Variants in TRIM67 observed in about 807,000 individuals in gnomAD.
TRIM67 encodes the protein tripartite motif-containing protein 67.
TRIM67 carries 39 observed loss-of-function variants against 71.0 expected under a neutral mutation model. The ratio of observed to expected loss-of-function variants is 0.55; its 90% confidence interval spans 0.43 to 0.72. The LOEUF is 0.72. Ranked by LOEUF, TRIM67 falls within the 30% of genes least tolerant of loss-of-function variation. TRIM67 has a pLI of 0.00. For missense variants in TRIM67, 973 were observed against 1,079.2 expected (o/e 0.90, Z 1.38); for synonymous variants, 481 against 473.9 (o/e 1.01, Z -0.19).
At chr1:231,191,720 G>A (rs954910992) in intron 1 of TRIM67, among the ~76,000 whole-genome samples, 6 of 152,154 alleles carry the variant, frequency 3.9e-5, no homozygotes, top group African/African-American at 1.4e-4. Context: ...GCTGGTGCCC[G>A]GGACCATATG....
Position 231,200,141 on chromosome 1 carries a change from A to T in TRIM67, c.1264-7A>T, listed in dbSNP as rs770361830. The T allele has an allele frequency of 7.5e-6, 12 of 1,609,098 alleles. No homozygotes were observed. Among genetic ancestry groups the T allele is most frequent in the Non-Finnish European group, 1.0e-5 (12 of 1,175,510 alleles). On this transcript the variant is annotated splice_region_variant and splice_polypyrimidine_tract_variant and intron_variant, in intron 3 of 9. Coordinates refer to ENST00000366653, the MANE Select transcript of TRIM67 (RefSeq NM_001004342.5). ...GACAGTTACTTAGAGGAGTCTTTCC[A>T]TTGCAGATGGTTTGGGACCAGATCA...
At chr1:231,178,573 T>G (rs1432540529) in intron 1 of TRIM67, among the ~76,000 whole-genome samples, 1 of 152,228 alleles carries the variant, frequency 6.6e-6, no homozygotes, top group Non-Finnish European at 1.5e-5. Flanking sequence ...GGGGTAGGGC[T>G]AAGAAGCAGC....
At position 231,209,286 on chromosome 1, in the gene TRIM67, A is replaced by G. The variant is rs780972030; in HGVS notation, c.2123+36A>G. ...GCCCCATCCTGCCTCCCGTGGACAC[A>G]GGTTGTTTGGGAATGAGGGTCCTGA... is the stretch of plus-strand genomic sequence containing the variant. On this transcript the variant is annotated intron_variant, in intron 8 of 9. Coordinates refer to ENST00000366653, the MANE Select transcript of TRIM67 (RefSeq NM_001004342.5). The surrounding 1 kb of genome is among the most constrained non-coding windows in gnomAD (Gnocchi z 4.1). The G allele has an allele frequency of 9.3e-6, 14 of 1,502,864 alleles. No homozygotes were observed. The highest frequency in any genetic ancestry group is 3.6e-4 in the Middle Eastern group (2 of 5,550). 93.1% of individuals were successfully genotyped at this position (1,502,864 alleles called of 1,614,324 possible).
At chr1:231,170,845 T>C (rs1038843706) in intron 1 of TRIM67, among the ~76,000 whole-genome samples, 2 of 152,264 alleles carry the variant, frequency 1.3e-5, no homozygotes, top group Non-Finnish European at 2.9e-5. Context: ...AAGTATTTAC[T>C]ATCTGGCCCT....
chr1:231,199,105 CT>C lies in TRIM67; in HGVS notation c.1202del (p.Leu401Ter), dbSNP rs1683451981. On this transcript the variant is annotated frameshift_variant, in exon 3 of 10. Transcript: ENST00000366653. LOFTEE classifies it high-confidence loss of function. ...GCTCAGTGTGATGCCCTTGTGGATG[CT>C]TTAACTCGTCAGAAAGCCAAGCTGC... ...LVAQCDALVD[A>X]LTRQKAKLLT... The C allele has an allele frequency of 6.2e-7, 1 of 1,613,872 alleles. No homozygotes were observed. The highest frequency in any genetic ancestry group is 1.3e-5 in the African/African-American group (1 of 74,912).
chr1:231,169,811 G>A (rs1682576807), intron 1 of TRIM67, among the ~76,000 whole-genome samples: 1 of 152,026 alleles, frequency 6.6e-6, no homozygotes, highest in Non-Finnish European at 1.5e-5. Context: ...CAGAGCCCTG[G>A]GAAGATGAGC....
At chr1:231,196,488 A>G (rs1355555224) in intron 1 of TRIM67, among the ~76,000 whole-genome samples, 6 of 151,486 alleles carry the variant, frequency 4.0e-5, no homozygotes, top group African/African-American at 1.5e-4. Flanking sequence ...ATTTGGGAGG[A>G]TCACTTGAGC....
chr1:231,167,317 G>GTTTTTTTTTTTTTTTTTTTTT (rs1340006817), intron 1 of TRIM67, among the ~76,000 whole-genome samples: 32 of 66,728 alleles, frequency 4.8e-4, no homozygotes, highest in Non-Finnish European at 6.6e-4. Context: ...TCACTCTAAT[G>GTTTTTTTTTTTTTTTTTTTTT]TCTTTTTTTT....
chr1:231,172,787 T>G (rs1185294176), intron 1 of TRIM67, among the ~76,000 whole-genome samples: 1 of 152,240 alleles, frequency 6.6e-6, no homozygotes, highest in African/African-American at 2.4e-5. Context: ...CTGGATGATA[T>G]CTATAAAACC....
intron 1 of TRIM67, among the ~76,000 whole-genome samples, chr1:231,171,247 T>C (rs893316673): frequency 2.6e-5 from 4 of 152,112 alleles, no homozygotes; most frequent in Non-Finnish European, 5.9e-5. Context: ...CATATGGTGC[T>C]CAAAGACCAC....
Position 231,203,908 on chromosome 1 carries a change from C to T in TRIM67, c.1576C>T (p.Arg526Cys), listed in dbSNP as rs370793828. 7.4e-6 allele frequency: 12 copies of T among 1,613,832 alleles called. No homozygotes were observed. Among genetic ancestry groups the T allele is most frequent in the African/African-American group, 5.3e-5 (4 of 74,952 alleles). Residue 526 changes from arginine (R) to cysteine (C), a missense_variant, in exon 6 of 10, where the codon CGT (arginine) becomes TGT (cysteine). This residue lies in a region of TRIM67 where 795 missense variants were observed against 831.3 expected (regional missense o/e 0.96). Transcript: ENST00000366653. ...ACTGCAGCTGGAGAAATGCTGCACCCGTAACAACAGCGTCACGCTGGCCTG... is the reference window on the plus strand; with the variant it reads ...ACTGCAGCTGGAGAAATGCTGCACCTGTAACAACAGCGTCACGCTGGCCTG... ...PLLQLEKCCTRNNSVTLAWRM... is the reference protein window; with the variant it reads ...PLLQLEKCCTCNNSVTLAWRM...
At chr1:231,172,829 C>A (rs1014707780) in intron 1 of TRIM67, among the ~76,000 whole-genome samples, 2 of 152,194 alleles carry the variant, frequency 1.3e-5, no homozygotes, top group Non-Finnish European at 2.9e-5. Context: ...TACTCAGAAA[C>A]AACAAGCCTC....
At chr1:231,167,295 C>T (rs1682494526) in intron 1 of TRIM67, among the ~76,000 whole-genome samples, 1 of 145,642 alleles carries the variant, frequency 6.9e-6, no homozygotes. Flanking sequence ...TCAGAAAAGA[C>T]AGGACTTTTG....
chr1:231,195,325 G>A (rs775723729), intron 1 of TRIM67, among the ~76,000 whole-genome samples: 1 of 152,186 alleles, frequency 6.6e-6, no homozygotes, highest in African/African-American at 2.4e-5. Context: ...AGTCACATTA[G>A]CTACTTCAAG....
intron 5 of TRIM67, 54 bp downstream of exon 5, chr1:231,201,571 A>G: frequency 1.3e-6 from 2 of 1,580,608 alleles, no homozygotes; most frequent in South Asian, 1.2e-5. Flanking sequence ...AGAGGCATGC[A>G]GTCTGAGGGG....
chr1:231,178,685 C>T (rs1682821124), intron 1 of TRIM67, among the ~76,000 whole-genome samples: 2 of 152,202 alleles, frequency 1.3e-5, no homozygotes, highest in Non-Finnish European at 2.9e-5. Context: ...CCTGGACCAG[C>T]TTTCTGCTCC....
chr1:231,220,261 C>T lies in TRIM67; in HGVS notation c.*4821C>T, dbSNP rs370705846. ...CCTGGCCTCCAGTGGGTAAAATAGA[C>T]CTTTAAGACAGGTTTCCTATGACCA... is the stretch of plus-strand genomic sequence containing the variant. On this transcript the variant is annotated 3_prime_UTR_variant, in exon 10 of 10. Transcript: ENST00000366653. 252 of 288,612 alleles carry T rather than the reference C, an allele frequency of 8.7e-4. 6 individuals are homozygous for T. The highest frequency in any genetic ancestry group is 8.2e-3 in the South Asian group (249 of 30,366). 17.9% of individuals were successfully genotyped at this position (288,612 alleles called of 1,614,324 possible).
At chr1:231,206,815 G>C (rs764088595) in intron 7 of TRIM67, 25 bp downstream of exon 7, 13 of 1,558,958 alleles carry the variant, frequency 8.3e-6, no homozygotes, top group Non-Finnish European at 1.1e-5. Flanking sequence ...CTCTTAGTGG[G>C]AAGAACAGAT....
At position 231,218,176 on chromosome 1, in the gene TRIM67, G is replaced by T. The variant is rs529721490; in HGVS notation, c.*2736G>T. Reference sequence around the variant, plus strand: ...CTTATCAATTCCTCATGGCCAGGAAGGTCCCGGGTTTCAGAGTAGAAATGA... The same window carrying T: ...CTTATCAATTCCTCATGGCCAGGAATGTCCCGGGTTTCAGAGTAGAAATGA... On this transcript the variant is annotated 3_prime_UTR_variant, in exon 10 of 10. Coordinates refer to ENST00000366653, the MANE Select transcript of TRIM67 (RefSeq NM_001004342.5). The T allele has an allele frequency of 2.9e-6, 3 of 1,023,792 alleles. No homozygotes were observed. The highest frequency in any genetic ancestry group is 3.5e-6 in the Non-Finnish European group (3 of 852,048). 63.4% of individuals were successfully genotyped at this position (1,023,792 alleles called of 1,614,324 possible). A position where few individuals can be genotyped will look rare whatever the true frequency, so the allele number is the denominator to read the frequency against.
Sources: gnomAD v4.1 joint callset for allele counts (sites outside exome capture counted in the v4.1 genomes callset) on GRCh38, gnomAD v4.1.1 for gene constraint, gnomAD v4.1.1 regional missense constraint, Gnocchi (gnomAD v3.1) non-coding constraint, MANE v1.5 for transcripts, NCBI Gene and HGNC (gene_info 2026-07-23, HGNC 2026-07-21) for gene names.